Variants in WWOX observed in about 807,000 individuals in gnomAD.
The protein encoded by WWOX is WW domain-containing oxidoreductase.
WWOX carries 69 observed loss-of-function variants against 46.2 expected under a neutral mutation model. The observed-to-expected ratio is 1.49, with a 90% CI of 1.23 to 1.82. WWOX has a LOEUF of 1.82. Ranked by LOEUF, WWOX falls within the 40% of genes most tolerant of loss-of-function variation. WWOX has a pLI of 0.00. For missense variants in WWOX, 919 were observed against 542.6 expected, an observed-to-expected ratio of 1.69 and a Z score of -6.89; for synonymous variants, 359 against 202.6, an observed-to-expected ratio of 1.77 and a Z score of -6.56.
chr16:78,390,035 C>T (rs1454995199), intron 6 of WWOX, among the ~76,000 whole-genome samples: 1 of 152,214 alleles, frequency 6.6e-6, no homozygotes, highest in Non-Finnish European at 1.5e-5. Flanking sequence ...GCGTGAGCCA[C>T]CCTGCCCGAC....
chr16:78,338,476 TTA>T (rs2080942734), intron 5 of WWOX, among the ~76,000 whole-genome samples: 1 of 121,916 alleles, frequency 8.2e-6, no homozygotes, highest in South Asian at 2.4e-4. Flanking sequence ...TTTATTATTG[TTA>T]TCTTTATGGA....
At chr16:78,585,295 T>C (rs922675791) in intron 8 of WWOX, among the ~76,000 whole-genome samples, 1 of 152,174 alleles carries the variant, frequency 6.6e-6, no homozygotes, top group African/African-American at 2.4e-5. Context: ...GCAGCAGTTC[T>C]CCCTGAGGTA....
intron 8 of WWOX, among the ~76,000 whole-genome samples, chr16:79,032,368 A>G (rs1028596949): frequency 6.8e-6 from 1 of 146,094 alleles, no homozygotes; most frequent in Admixed American, 7.0e-5. Context: ...TCTATGTAAT[A>G]TATAATATAT....
intron 8 of WWOX, among the ~76,000 whole-genome samples, chr16:79,159,279 C>T (rs189005626): frequency 3.9e-5 from 6 of 152,334 alleles, no homozygotes; most frequent in African/African-American, 7.2e-5. Flanking sequence ...ATACGCAGCT[C>T]ACCGTGTGAT....
rs897542442 is a variant in WWOX, at chr16:78,753,997, C to A, written c.1056+321245C>A. On this transcript the variant is annotated intron_variant, in intron 8 of 8. Transcript: ENST00000566780. Reference sequence around the variant, plus strand: ...ATCCATCTCAAGAAAAGAGATATGCCAAAGAGAATGATTATTAAATTATCA... The same window carrying A: ...ATCCATCTCAAGAAAAGAGATATGCAAAAGAGAATGATTATTAAATTATCA... Among the ~76,000 whole-genome samples, 3 of 151,078 alleles carry A rather than the reference C, an allele frequency of 2.0e-5. No homozygotes were observed. The East Asian group carries it at 5.9e-4, about 30-fold the overall frequency.
intron 8 of WWOX, among the ~76,000 whole-genome samples, chr16:78,822,019 G>C (rs943714899): frequency 9.9e-5 from 15 of 152,210 alleles, no homozygotes; most frequent in African/African-American, 3.4e-4. Context: ...TAGGACTATA[G>C]GCATGCACCA....
intron 8 of WWOX, among the ~76,000 whole-genome samples, chr16:78,900,597 A>G (rs1353223799): frequency 6.6e-6 from 1 of 152,164 alleles, no homozygotes; most frequent in Non-Finnish European, 1.5e-5. Flanking sequence ...TACACAAACC[A>G]CAAAGTCATA....
intron 8 of WWOX, among the ~76,000 whole-genome samples, chr16:78,815,953 C>A (rs140612001): frequency 6.6e-6 from 1 of 152,130 alleles, no homozygotes; most frequent in Admixed American, 6.5e-5. Context: ...CTCGATGTTC[C>A]CAAGTCTCCT....
chr16:78,947,289 T>C (rs1172402757), intron 8 of WWOX, among the ~76,000 whole-genome samples: 3 of 152,216 alleles, frequency 2.0e-5, no homozygotes, highest in African/African-American at 7.2e-5. Flanking sequence ...TCCCTGTTTC[T>C]GCCTGAAGCA....
chr16:78,278,754 G>A (rs1368413352), intron 5 of WWOX: 12 of 1,146,076 alleles, frequency 1.0e-5, no homozygotes, highest in Non-Finnish European at 1.4e-5. Flanking sequence ...CTTCTATCTC[G>A]GTGATCTGAC....
Position 78,319,687 on chromosome 16 carries a change from C to T in WWOX, c.517-67173C>T, listed in dbSNP as rs996756481. Reference sequence around the variant, plus strand: ...CAATGGAAAAATAAACGTTCTATGCCATTTTTATCACATGCGTAGGTTCAT... The same window carrying T: ...CAATGGAAAAATAAACGTTCTATGCTATTTTTATCACATGCGTAGGTTCAT... On this transcript the variant is annotated intron_variant, in intron 5 of 8. Transcript: ENST00000566780. Among the ~76,000 whole-genome samples, 3 of 152,144 alleles carry T rather than the reference C, an allele frequency of 2.0e-5. No homozygotes were observed. In the South Asian group the frequency reaches 6.2e-4, roughly 32 times the overall value.
In WWOX at chr16:78,633,226, C is replaced by T. The variant is rs913222547; in HGVS notation, c.1056+200474C>T. Among the ~76,000 whole-genome samples, 10 of 152,150 alleles carry T rather than the reference C, an allele frequency of 6.6e-5. No homozygotes were observed. The South Asian group carries it at 8.3e-4, about 13-fold the overall frequency. On this transcript the variant is annotated intron_variant, in intron 8 of 8. Coordinates refer to ENST00000566780, the MANE Select transcript of WWOX (RefSeq NM_016373.4). ...GCAGTGAGCTGAGATCGTGCCACTG[C>T]GCTCCATGCTAGGTGACAGAGCAAG...
intron 8 of WWOX, among the ~76,000 whole-genome samples, chr16:78,989,366 C>T (rs1396138319): frequency 6.6e-6 from 1 of 152,016 alleles, no homozygotes; most frequent in Non-Finnish European, 1.5e-5. Context: ...TCCTTGGATC[C>T]CCAAGATAGA....
chr16:78,819,072 C>T (rs59107335), intron 8 of WWOX, among the ~76,000 whole-genome samples: 2,422 of 152,272 alleles, frequency 0.016, 64 homozygotes, highest in East Asian at 0.056. Flanking sequence ...CATGAGCAGG[C>T]CCATAGTACT....
chr16:79,046,935 C>T (rs973538760), intron 8 of WWOX, among the ~76,000 whole-genome samples: 3 of 152,200 alleles, frequency 2.0e-5, no homozygotes, highest in African/African-American at 7.2e-5. Flanking sequence ...ACTCACAACT[C>T]ATTATCTCCC....
intron 8 of WWOX, among the ~76,000 whole-genome samples, chr16:78,906,554 G>A (rs772220810): frequency 1.3e-5 from 2 of 152,284 alleles, no homozygotes; most frequent in East Asian, 1.9e-4. Flanking sequence ...CTTCCAAAGA[G>A]AACTGCATAA....
intron 5 of WWOX, among the ~76,000 whole-genome samples, chr16:78,252,551 A>G (rs2038011752): frequency 6.6e-6 from 1 of 152,212 alleles, no homozygotes; most frequent in Non-Finnish European, 1.5e-5. Context: ...GCAAATGACT[A>G]TGCCCGTTAG....
chr16:78,782,883 C>T (rs1424341759), intron 8 of WWOX, among the ~76,000 whole-genome samples: 6 of 152,130 alleles, frequency 3.9e-5, no homozygotes, highest in Non-Finnish European at 5.9e-5. Context: ...AAAATGTCTT[C>T]TCTCTCAGAA....
At chr16:78,607,089 C>G (rs2045777815) in intron 8 of WWOX, among the ~76,000 whole-genome samples, 1 of 151,840 alleles carries the variant, frequency 6.6e-6, no homozygotes, top group Non-Finnish European at 1.5e-5. Flanking sequence ...GAAGAGTTGC[C>G]AGAAATGGAA....
Sources: gnomAD v4.1 joint callset for allele counts (sites outside exome capture counted in the v4.1 genomes callset) on GRCh38, gnomAD v4.1.1 for gene constraint, MANE v1.5 for transcripts, NCBI Gene and HGNC (gene_info 2026-07-23, HGNC 2026-07-21) for gene names.